PDE7A: variants seen among roughly 807,000 people sequenced by gnomAD.
PDE7A encodes the protein high affinity 3',5'-cyclic-AMP phosphodiesterase 7A.
PDE7A carries 39 observed loss-of-function variants against 64.3 expected under a neutral mutation model. That is an observed-to-expected ratio of 0.61 (90% CI 0.47 to 0.79). The LOEUF (loss-of-function observed/expected upper bound fraction) is 0.79. Ranked by LOEUF, PDE7A falls within the 30% of genes least tolerant of loss-of-function variation. PDE7A has a pLI of 0.00. For missense variants in PDE7A, 470 were observed against 582.8 expected, an observed-to-expected ratio of 0.81 and a Z score of 1.99; for synonymous variants, 203 against 206.8, an observed-to-expected ratio of 0.98 and a Z score of 0.16.
intron 1 of PDE7A, among the ~76,000 whole-genome samples, chr8:65,805,671 G>A (rs1810092104): frequency 6.6e-6 from 1 of 152,184 alleles, no homozygotes; most frequent in African/African-American, 2.4e-5. Flanking sequence ...TCCCTATGGT[G>A]TATAAGCCCT....
intron 1 of PDE7A, chr8:65,789,064 G>A: frequency 6.9e-7 from 1 of 1,443,194 alleles, no homozygotes; most frequent in Non-Finnish European, 9.2e-7. Flanking sequence ...GACTGCCTTG[G>A]ACCTCAAGCA....
At chr8:65,755,329 C>T (rs1051398863) in intron 3 of PDE7A, among the ~76,000 whole-genome samples, 2 of 152,000 alleles carry the variant, frequency 1.3e-5, no homozygotes, top group African/African-American at 2.4e-5. Context: ...CCCATTATTG[C>T]CTTTTTAAAA....
At chr8:65,819,334 T>C (rs80138351) in intron 1 of PDE7A, among the ~76,000 whole-genome samples, 9,586 of 152,226 alleles carry the variant, frequency 0.063, 380 homozygotes, top group Middle Eastern at 0.11. Context: ...ACGTTCAGGG[T>C]TGCAGTGAGC....
intron 3 of PDE7A, among the ~76,000 whole-genome samples, chr8:65,777,071 CA>C (rs1245011416): frequency 5.7e-5 from 8 of 140,652 alleles, no homozygotes; most frequent in Non-Finnish European, 6.1e-5. Context: ...TCAATTTTAT[CA>C]AATGCTTTTT....
intron 1 of PDE7A, among the ~76,000 whole-genome samples, chr8:65,833,551 A>C (rs1810881693): frequency 6.6e-6 from 1 of 152,204 alleles, no homozygotes; most frequent in South Asian, 2.1e-4. Context: ...GGAGCACAAC[A>C]GGCCTTTCTG....
At chr8:65,738,184 AAG>A (rs1456096852) in intron 6 of PDE7A, among the ~76,000 whole-genome samples, 1 of 152,238 alleles carries the variant, frequency 6.6e-6, no homozygotes, top group Non-Finnish European at 1.5e-5. Flanking sequence ...CTTAATTTAA[AAG>A]ACTTTATTGC....
At chr8:65,808,100 T>C (rs1417028297) in intron 1 of PDE7A, among the ~76,000 whole-genome samples, 1 of 152,162 alleles carries the variant, frequency 6.6e-6, no homozygotes, top group African/African-American at 2.4e-5. Context: ...AAATCAGCCA[T>C]GGTAACAGGA....
intron 3 of PDE7A, among the ~76,000 whole-genome samples, chr8:65,762,991 A>ATGTGTGTGTGTGTGTGTG (rs34371328): frequency 1.4e-5 from 2 of 138,514 alleles, no homozygotes; most frequent in South Asian, 2.4e-4. Context: ...TATAAAAACA[A>ATGTGTGTGTGTGTGTGTG]TGTGTGTGTG....
rs1436044102 is a variant in PDE7A, at chr8:65,841,937, G to A, written c.-429C>T. 3.0e-5 allele frequency: 7 copies of A among 233,102 alleles called. No individual in the cohort carries two copies. Among genetic ancestry groups the A allele is most frequent in the Non-Finnish European group, 4.1e-5 (5 of 123,328 alleles). 14.4% of individuals were successfully genotyped at this position (233,102 alleles called of 1,614,324 possible). ...GCCAGCGGCCAGACCCAGGGCGCGC[G>A]GGACTCAGGAGCAGCGACCAGCTCG... On this transcript the variant is annotated 5_prime_UTR_variant, in exon 1 of 13. Transcript: ENST00000401827.
intron 1 of PDE7A, among the ~76,000 whole-genome samples, chr8:65,803,884 G>A (rs1022925025): frequency 2.0e-5 from 3 of 152,162 alleles, no homozygotes; most frequent in Non-Finnish European, 2.9e-5. Flanking sequence ...CAGAGGATAC[G>A]ATTGGGAGAA....
intron 12 of PDE7A, chr8:65,720,736 C>CT: frequency 6.6e-6 from 1 of 152,312 alleles, no homozygotes. Flanking sequence ...CCTCAAGGAG[C>CT]TTATGTTCTG....
chr8:65,835,937 TTAA>T lies in PDE7A; in HGVS notation c.138+5431_138+5433del, dbSNP rs1443655432. On this transcript the variant is annotated intron_variant, in intron 1 of 12. Transcript: ENST00000401827. ...ACTCCAAATACACTATGGATTTACA[TTAA>T]TATTATGTTTGAGCATGTATCTGAA... Among the ~76,000 whole-genome samples, 8 of 152,354 alleles carry T rather than the reference TTAA, an allele frequency of 5.3e-5. No individual in the cohort carries two copies. The East Asian group carries it at 1.3e-3, about 26-fold the overall frequency.
chr8:65,729,038 ATAT>A (rs1163596591), intron 7 of PDE7A, among the ~76,000 whole-genome samples: 5 of 152,328 alleles, frequency 3.3e-5, no homozygotes, highest in African/African-American at 1.2e-4. Context: ...AAAATTTTCA[ATAT>A]TATAACAAAG....
intron 5 of PDE7A, among the ~76,000 whole-genome samples, chr8:65,741,518 C>T (rs1348328670): frequency 6.6e-6 from 1 of 152,194 alleles, no homozygotes; most frequent in Non-Finnish European, 1.5e-5. Flanking sequence ...AAAGATGTGG[C>T]AGGCCAAAAG....
intron 1 of PDE7A, among the ~76,000 whole-genome samples, chr8:65,799,630 G>A (rs772533425): frequency 1.1e-4 from 17 of 152,184 alleles, no homozygotes; most frequent in Non-Finnish European, 2.2e-4. Flanking sequence ...TTGCTTTAAT[G>A]TTAGGAGAGG....
chr8:65,723,284 T>A (rs1485662698), intron 12 of PDE7A: 1 of 229,516 alleles, frequency 4.4e-6, no homozygotes, highest in Non-Finnish European at 8.2e-6. Context: ...CATGAGCGAA[T>A]AATGGATTCT....
chr8:65,780,771 A>G (rs1394980459), intron 2 of PDE7A: 1 of 152,264 alleles, frequency 6.6e-6, no homozygotes, highest in African/African-American at 2.4e-5. Context: ...CTCCAAGTTC[A>G]TAACCTTTAA....
intron 1 of PDE7A, among the ~76,000 whole-genome samples, chr8:65,799,588 T>C (rs905343449): frequency 4.6e-5 from 7 of 152,130 alleles, no homozygotes; most frequent in African/African-American, 1.4e-4. Flanking sequence ...AACAGGAGAA[T>C]AGAGAAATGT....
At chr8:65,826,993 A>G (rs1053038536) in intron 1 of PDE7A, among the ~76,000 whole-genome samples, 22 of 152,112 alleles carry the variant, frequency 1.4e-4, no homozygotes, top group Admixed American at 2.6e-4. Context: ...GACTCCAGAG[A>G]TACCACTCAT....
Sources: allele counts gnomAD v4.1 joint callset (sites outside exome capture counted in the v4.1 genomes callset), GRCh38; gene constraint gnomAD v4.1.1; transcripts MANE v1.5; gene names NCBI Gene and HGNC (gene_info 2026-07-23, HGNC 2026-07-21).